Variants in ASB14 observed in about 807,000 individuals in gnomAD.
ASB14 encodes the protein ankyrin repeat and SOCS box protein 14.
In ASB14, 63 loss-of-function variants were observed where a neutral mutation model predicts 55.6. The ratio of observed to expected loss-of-function variants is 1.13; its 90% CI spans 0.92 to 1.40. ASB14 has a LOEUF of 1.40. Among genes scored for constraint, ASB14 ranks in the 40% most tolerant of loss-of-function variants. The pLI is 0.00. For missense variants in ASB14, 724 were observed against 710.4 expected (o/e 1.02, Z -0.22); for synonymous variants, 256 against 259.9 (o/e 0.98, Z 0.15).
At position 57,289,136 on chromosome 3, in the gene ASB14, A is replaced by G. The variant is rs758315528; in HGVS notation, c.123-13T>C. 4.6e-6 allele frequency: 7 copies of G among 1,507,790 alleles called. No homozygotes were observed. Among genetic ancestry groups the G allele is most frequent in the Non-Finnish European group, 6.2e-6 (7 of 1,120,398 alleles). The allele number at this position is 1,507,790 out of a possible 1,614,324, so 93.4% of individuals were successfully genotyped here. The stretch of plus-strand genomic sequence containing the variant: ...AAAGGAATGCAAACTGCAAAGAAAA[A>G]AATACATATGTAATTCCAAAACTGA... On this transcript the variant is annotated splice_polypyrimidine_tract_variant and intron_variant, in intron 2 of 10. Transcript: ENST00000487349.
intron 2 of ASB14, 38 bp downstream of exon 2, chr3:57,291,874 A>G (rs1441202433): frequency 2.7e-6 from 4 of 1,489,776 alleles, no homozygotes; most frequent in Non-Finnish European, 3.6e-6. Flanking sequence ...TGTTGAATAC[A>G]ACACTTAATA....
At chr3:57,274,079 T>A (rs1367741943) in intron 10 of ASB14, among the ~76,000 whole-genome samples, 1 of 152,200 alleles carries the variant, frequency 6.6e-6, no homozygotes, top group Non-Finnish European at 1.5e-5. Context: ...CTATATAAAT[T>A]TTTTAATGTA....
intron 10 of ASB14, chr3:57,272,406 A>T (rs1002743922): frequency 3.3e-5 from 5 of 152,172 alleles, no homozygotes; most frequent in African/African-American, 1.2e-4. Context: ...GGGGTGGTAA[A>T]TGTGTTTCCA....
chr3:57,287,070 CA>C (rs1383820859), intron 5 of ASB14, among the ~76,000 whole-genome samples: 1 of 152,210 alleles, frequency 6.6e-6, no homozygotes, highest in Non-Finnish European at 1.5e-5. Flanking sequence ...AAGTTAATGA[CA>C]ATTTCCCTTT....
chr3:57,275,778 C>T (rs2060980800), intron 10 of ASB14, among the ~76,000 whole-genome samples: 1 of 152,130 alleles, frequency 6.6e-6, no homozygotes, highest in Non-Finnish European at 1.5e-5. Flanking sequence ...TGTTATATAG[C>T]CTGTTGCTCC....
At chr3:57,284,088 C>CTGTGTGTG (rs1181255575) in intron 5 of ASB14, among the ~76,000 whole-genome samples, 517 of 41,306 alleles carry the variant, frequency 0.013, 5 homozygotes, top group African/African-American at 0.033. Flanking sequence ...CTTGGGAACA[C>CTGTGTGTG]TGTGTATGTG....
rs775496112 is a variant in ASB14 at position 57,291,934 on chromosome 3, G to T, written c.100C>A (p.Gln34Lys). Residue 34 changes from glutamine (Q) to lysine (K), a missense_variant, in exon 2 of 11, where the codon CAA (glutamine) becomes AAA (lysine). Physicochemically the swap from Gln to Lys is moderately conservative, Grantham distance 53 (BLOSUM62 1). Transcript: ENST00000487349. ...TACCTCTCATCCTTAGGTGCATGTTGTGCTGTTCCTGGCTTATAAATATCC... is the reference window on the plus strand; with the variant it reads ...TACCTCTCATCCTTAGGTGCATGTTTTGCTGTTCCTGGCTTATAAATATCC... ...LQDIYKPGTA[Q>K]HAPKDESLHS... 1 of 1,536,182 alleles carries T rather than the reference G, an allele frequency of 6.5e-7. No homozygotes were observed. The highest frequency in any genetic ancestry group is 2.4e-5 in the East Asian group (1 of 40,870).
intron 3 of ASB14, among the ~76,000 whole-genome samples, chr3:57,288,708 C>CTTTTTTTTTTTTTTTTTTTTT (rs747854434): frequency 9.8e-6 from 1 of 102,392 alleles, no homozygotes; most frequent in Non-Finnish European, 1.8e-5. Flanking sequence ...CATATCTTTC[C>CTTTTTTTTTTTTTTTTTTTTT]TTTTTTTTTT....
intron 10 of ASB14, among the ~76,000 whole-genome samples, chr3:57,273,824 C>T (rs2060964996): frequency 6.6e-6 from 1 of 152,084 alleles, no homozygotes; most frequent in African/African-American, 2.4e-5. Context: ...CATATTCATC[C>T]CATGTGCTCT....
At chr3:57,291,627 T>C (rs2061130887) in intron 2 of ASB14, among the ~76,000 whole-genome samples, 1 of 150,392 alleles carries the variant, frequency 6.6e-6, no homozygotes, top group Admixed American at 6.7e-5. Context: ...TTAGTTTTTC[T>C]CTAGCCCTTC....
chr3:57,273,652 G>T (rs1418103893), intron 10 of ASB14, among the ~76,000 whole-genome samples: 1 of 151,524 alleles, frequency 6.6e-6, no homozygotes, highest in Non-Finnish European at 1.5e-5. Flanking sequence ...CAAACTAATC[G>T]ATCACTGGTG....
rs1320006113 is a variant in ASB14 at position 57,280,466 on chromosome 3, A to G, written c.723T>C (p.Asn241=). 5 of 1,550,082 alleles carry G rather than the reference A, an allele frequency of 3.2e-6. No individual in the cohort carries two copies. The highest frequency in any genetic ancestry group is 4.4e-6 in the Non-Finnish European group (5 of 1,145,936). ...AAGAATCAGAGGCCTGACCATGAGC[A>G]TTAGCTCCTAAGAGGAGAAAGACTC... is the stretch of plus-strand genomic sequence containing the variant. The part of the protein sequence containing the change: ...IMEMLLRKGA[N]AHGQASDSSS... The change falls in exon 7 of 11, where the codon AAT becomes AAC. Residue 241 remains asparagine (N), a synonymous_variant. Coordinates refer to ENST00000487349, the MANE Select transcript of ASB14 (RefSeq NM_001142733.3).
chr3:57,273,239 C>CTATT lies in ASB14; in HGVS notation c.*22+3285_*22+3288dup, dbSNP rs1419962510. 4 of 152,666 alleles carry CTATT rather than the reference C, an allele frequency of 2.6e-5. No homozygotes were observed. In the East Asian group the frequency reaches 7.7e-4, roughly 30 times the overall value. The allele number at this position is 152,666 out of a possible 1,614,324, so 9.5% of individuals were successfully genotyped here. A position where few individuals can be genotyped will look rare whatever the true frequency, so the allele number is the denominator to read the frequency against. ...TGAATTGATTCTTATTTCACTGATA[C>CTATT]TATTAATCATGCAGTGTACAATTCA... On this transcript the variant is annotated intron_variant, in intron 10 of 10. Transcript: ENST00000487349.
At position 57,277,425 on chromosome 3, in the gene ASB14, C is replaced by G. The variant is rs183658480; in HGVS notation, c.1585+342G>C. Among the ~76,000 whole-genome samples the G allele has an allele frequency of 3.3e-5, 5 of 152,300 alleles. No homozygotes were observed. The East Asian group carries it at 9.6e-4, about 29-fold the overall frequency. On this transcript the variant is annotated intron_variant, in intron 9 of 10. Coordinates refer to ENST00000487349, the MANE Select transcript of ASB14 (RefSeq NM_001142733.3). ...AAGAAGGTCATTTTGATACCCTCTACAGACATGGCTCTTAGCTTTTTCTCA... is the reference window on the plus strand; with the variant it reads ...AAGAAGGTCATTTTGATACCCTCTAGAGACATGGCTCTTAGCTTTTTCTCA...
At chr3:57,271,078 A>C (rs1043621455) in intron 10 of ASB14, 1 of 152,314 alleles carries the variant, frequency 6.6e-6, no homozygotes, top group Admixed American at 6.5e-5. Flanking sequence ...CACATTTACA[A>C]ATTTTTCAAG....
At chr3:57,282,137 T>C (rs1202019852) in intron 6 of ASB14, among the ~76,000 whole-genome samples, 1 of 152,206 alleles carries the variant, frequency 6.6e-6, no homozygotes, top group Non-Finnish European at 1.5e-5. Context: ...ATATTGATCA[T>C]TTAAAACATC....
Position 57,283,519 on chromosome 3 carries a change from T to C in ASB14, c.470-80A>G, listed in dbSNP as rs879885139. 4 of 1,414,806 alleles carry C rather than the reference T, an allele frequency of 2.8e-6. No homozygotes were observed. In the East Asian group the frequency reaches 7.5e-5, roughly 27 times the overall value. 87.6% of individuals were successfully genotyped at this position (1,414,806 alleles called of 1,614,324 possible). A position where few individuals can be genotyped will look rare whatever the true frequency, so the allele number is the denominator to read the frequency against. ...GCATATCTGCAAGTATCCCTCAGGCTTTCTTAAGGAGTTCTTCCCACCCAC... is the reference window on the plus strand; with the variant it reads ...GCATATCTGCAAGTATCCCTCAGGCCTTCTTAAGGAGTTCTTCCCACCCAC... On this transcript the variant is annotated intron_variant, in intron 5 of 10. Transcript: ENST00000487349.
At chr3:57,292,459 A>C (rs1404855080) in intron 1 of ASB14, among the ~76,000 whole-genome samples, 174 bp downstream of exon 1, 1 of 152,216 alleles carries the variant, frequency 6.6e-6, no homozygotes, top group Non-Finnish European at 1.5e-5. Flanking sequence ...TATTTTACTT[A>C]ATATACATTA....
chr3:57,284,214 A>G (rs1370850805), intron 5 of ASB14, among the ~76,000 whole-genome samples: 1 of 151,708 alleles, frequency 6.6e-6, no homozygotes, highest in Non-Finnish European at 1.5e-5. Context: ...GCAGCCTTGA[A>G]CTGCTGGGCT....
Sources: allele counts gnomAD v4.1 joint callset (sites outside exome capture counted in the v4.1 genomes callset), GRCh38; gene constraint gnomAD v4.1.1; transcripts MANE v1.5; gene names NCBI Gene and HGNC (gene_info 2026-07-23, HGNC 2026-07-21).